The following AKAP6 variants were observed in gnomAD, a reference collection of about 807,000 sequenced individuals.
AKAP6 encodes the protein A-kinase anchor protein 6.
A neutral mutation model predicts 188.5 loss-of-function variants in AKAP6; 58 were observed. The observed-to-expected ratio is 0.31, with a 90% CI of 0.25 to 0.38. The LOEUF (loss-of-function observed/expected upper bound fraction) is 0.38. Among genes scored for constraint, AKAP6 ranks in the 10% least tolerant of loss-of-function variants. The pLI, the probability that AKAP6 is intolerant of heterozygous loss-of-function variation, is 1.00. For missense variants in AKAP6, 2,710 were observed against 2,740.0 expected (o/e 0.99, Z 0.24); for synonymous variants, 989 against 998.6 (o/e 0.99, Z 0.18).
intron 1 of AKAP6, among the ~76,000 whole-genome samples, chr14:32,423,892 T>C (rs958957148): frequency 1.3e-5 from 2 of 152,110 alleles, no homozygotes; most frequent in Admixed American, 1.3e-4. Context: ...GTGAGTAGGG[T>C]TAATGGATAA....
chr14:32,579,967 G>A (rs1455200386), intron 5 of AKAP6, among the ~76,000 whole-genome samples: 1 of 152,040 alleles, frequency 6.6e-6, no homozygotes, highest in African/African-American at 2.4e-5. Flanking sequence ...TAAATCAACA[G>A]ATATGCAAGC....
intron 9 of AKAP6, among the ~76,000 whole-genome samples, chr14:32,714,646 C>T (rs750556256): frequency 9.2e-5 from 14 of 151,822 alleles, no homozygotes; most frequent in African/African-American, 2.9e-4. Flanking sequence ...TTCTCTTTGA[C>T]GTCTTATTTT....
chr14:32,615,745 G>A (rs548356721), intron 7 of AKAP6, among the ~76,000 whole-genome samples: 15 of 151,620 alleles, frequency 9.9e-5, no homozygotes, highest in African/African-American at 3.4e-4. Context: ...ACAGGCGCCC[G>A]CCACCACACC....
At chr14:32,438,693 A>T (rs1890469032) in intron 2 of AKAP6, 1 of 152,230 alleles carries the variant, frequency 6.6e-6, no homozygotes, top group Admixed American at 6.5e-5. Flanking sequence ...ATTCTTCAGT[A>T]AGAAGTATGA....
chr14:32,499,328 C>CAAAAAAAAAAAAAAAAAAAAAAAAAGAA (rs71432061), intron 2 of AKAP6, among the ~76,000 whole-genome samples: 1 of 111,094 alleles, frequency 9.0e-6, no homozygotes, highest in Non-Finnish European at 1.8e-5. Flanking sequence ...AGTGTAACAG[C>CAAAAAAAAAAAAAAAAAAAAAAAAAGAA]AAAAAAAAAA....
rs200392701 is a variant in AKAP6, at chr14:32,535,529, C to T, written c.325-25C>T. On this transcript the variant is annotated intron_variant, in intron 2 of 13. Transcript: ENST00000280979. The stretch of plus-strand genomic sequence containing the variant: ...CCAGGATAAGGCAAAGTAGTCCTCA[C>T]ATATGTTGCTTTTCTTTACTGCAGG... The T allele has an allele frequency of 5.0e-6, 8 of 1,603,522 alleles. No individual in the cohort carries two copies. In the African/African-American group the frequency reaches 6.7e-5, roughly 13 times the overall value.
chr14:32,420,579 A>G (rs1183655782), intron 1 of AKAP6, among the ~76,000 whole-genome samples: 1 of 152,092 alleles, frequency 6.6e-6, no homozygotes, highest in East Asian at 1.9e-4. Flanking sequence ...TTGTGTGCTT[A>G]GTTTTCTATG....
intron 8 of AKAP6, among the ~76,000 whole-genome samples, chr14:32,689,247 C>T (rs1890063117): frequency 6.7e-6 from 1 of 148,948 alleles, no homozygotes; most frequent in Non-Finnish European, 1.5e-5. Flanking sequence ...CCTCTAAATA[C>T]ACCCAGAAAT....
intron 7 of AKAP6, among the ~76,000 whole-genome samples, chr14:32,631,244 A>G (rs1040467155): frequency 5.3e-5 from 8 of 152,010 alleles, no homozygotes; most frequent in African/African-American, 1.9e-4. Flanking sequence ...CGCCCCGTAT[A>G]TAAGATTAAG....
At chr14:32,453,575 C>CTTTTTTTCTTT (rs1891007440) in intron 2 of AKAP6, among the ~76,000 whole-genome samples, 1 of 95,356 alleles carries the variant, frequency 1.0e-5, no homozygotes, top group African/African-American at 3.4e-5. Flanking sequence ...TTTTTCTTTT[C>CTTTTTTTCTTT]TTTTTTTTTT....
At chr14:32,517,392 G>A (rs944864843) in intron 2 of AKAP6, among the ~76,000 whole-genome samples, 1 of 152,196 alleles carries the variant, frequency 6.6e-6, no homozygotes, top group South Asian at 2.1e-4. Flanking sequence ...GGTGATTTCT[G>A]CGTTTCCAAC....
chr14:32,766,310 T>A (rs1208988539), intron 11 of AKAP6, among the ~76,000 whole-genome samples: 2 of 152,170 alleles, frequency 1.3e-5, no homozygotes, highest in Non-Finnish European at 2.9e-5. Context: ...ATAATGCCAT[T>A]ATGAATATTT....
chr14:32,669,055 T>C (rs542413525), intron 7 of AKAP6, among the ~76,000 whole-genome samples: 1 of 152,188 alleles, frequency 6.6e-6, no homozygotes, highest in Non-Finnish European at 1.5e-5. Context: ...TACCCTTGAA[T>C]GAATATTTGA....
chr14:32,549,864 G>A (rs1883374845), intron 4 of AKAP6, among the ~76,000 whole-genome samples: 1 of 152,194 alleles, frequency 6.6e-6, no homozygotes, highest in Non-Finnish European at 1.5e-5. Context: ...CTTTCCAGAA[G>A]GGTTAATTGG....
intron 7 of AKAP6, among the ~76,000 whole-genome samples, chr14:32,610,457 C>T (rs1886306531): frequency 6.6e-6 from 1 of 152,178 alleles, no homozygotes; most frequent in Admixed American, 6.5e-5. Context: ...TAAAATGTAA[C>T]TACAACATGA....
chr14:32,683,340 G>A (rs962351390), intron 8 of AKAP6, among the ~76,000 whole-genome samples: 20 of 152,024 alleles, frequency 1.3e-4, no homozygotes, highest in South Asian at 2.1e-4. Flanking sequence ...ACCGCTTTGG[G>A]CATTAGAGAC....
chr14:32,560,545 A>G lies in AKAP6; in HGVS notation c.2346+13546A>G, dbSNP rs10483409. Among the ~76,000 whole-genome samples the G allele has an allele frequency of 5.2e-3, 793 of 152,264 alleles. 21 individuals carry two copies. In the East Asian group the frequency reaches 0.11, roughly 22 times the overall value. On this transcript the variant is annotated intron_variant, in intron 4 of 13. Coordinates refer to ENST00000280979, the MANE Select transcript of AKAP6 (RefSeq NM_004274.5). ...ATCTGCCCTTTTGTTTGCAGCTTTA[A>G]ACATCAAGGTGAAAATAGTTCTTTG...
intron 7 of AKAP6, among the ~76,000 whole-genome samples, chr14:32,666,877 T>C (rs1262365181): frequency 6.6e-6 from 1 of 152,150 alleles, no homozygotes; most frequent in Non-Finnish European, 1.5e-5. Flanking sequence ...AATGGTGGTA[T>C]GCTCCTCTAC....
At chr14:32,358,727 A>G (rs1998428) in intron 1 of AKAP6, among the ~76,000 whole-genome samples, 56,372 of 151,868 alleles carry the variant, frequency 0.37, 11,538 homozygotes, top group African/African-American at 0.55. Flanking sequence ...TCCTCAGGGG[A>G]TAGTGAGAAG....
Sources: allele counts gnomAD v4.1 joint callset (sites outside exome capture counted in the v4.1 genomes callset), GRCh38; gene constraint gnomAD v4.1.1; transcripts MANE v1.5; gene names NCBI Gene and HGNC (gene_info 2026-07-23, HGNC 2026-07-21).